The following EPHB2 variants were observed in gnomAD, a reference collection of about 807,000 sequenced individuals.
EPHB2 encodes ephrin type-B receptor 2.
EPHB2 carries 18 observed loss-of-function variants against 96.4 expected under a neutral mutation model. The ratio of observed to expected loss-of-function variants is 0.19; its 90% CI spans 0.13 to 0.28. EPHB2 has a LOEUF of 0.28. EPHB2 is among the 10% of genes least tolerant of loss of function. The probability of loss-of-function intolerance (pLI) is 1.00; values close to 1 mark genes in which losing one functional copy is unlikely to be tolerated. For synonymous variants in EPHB2, 506 were observed against 534.1 expected (o/e 0.95, Z 0.72); for missense variants, 989 against 1,355.4 (o/e 0.73, Z 4.25).
At chr1:22,817,868 A>AAGGGC (rs1482302636) in intron 3 of EPHB2, among the ~76,000 whole-genome samples, 2 of 152,016 alleles carry the variant, frequency 1.3e-5, no homozygotes, top group South Asian at 2.1e-4. Flanking sequence ...GGCCTTCCTA[A>AAGGGC]AGGGCGGGAC....
At chr1:22,747,967 G>A (rs77343028) in intron 1 of EPHB2, among the ~76,000 whole-genome samples, 9,473 of 152,220 alleles carry the variant, frequency 0.062, 846 homozygotes, top group African/African-American at 0.19. Flanking sequence ...AGCCAGTAAA[G>A]AACCACATTT....
chr1:22,741,694 AAAC>A (rs1643906313), intron 1 of EPHB2, among the ~76,000 whole-genome samples: 2 of 149,448 alleles, frequency 1.3e-5, no homozygotes, highest in South Asian at 4.4e-4. Context: ...AAAAACAAAA[AAAC>A]AAAAAACCTC....
At chr1:22,741,931 C>T (rs573998222) in intron 1 of EPHB2, among the ~76,000 whole-genome samples, 1 of 152,210 alleles carries the variant, frequency 6.6e-6, no homozygotes, top group Admixed American at 6.5e-5. Context: ...GGGACTTGAA[C>T]TAGTTCTGTG....
intron 3 of EPHB2, among the ~76,000 whole-genome samples, chr1:22,859,594 T>C (rs895871872): frequency 1.3e-5 from 2 of 152,008 alleles, no homozygotes; most frequent in African/African-American, 4.8e-5. Flanking sequence ...CAGGAGTTCG[T>C]GACCAGCCTG....
At chr1:22,824,817 A>T (rs959784157) in intron 3 of EPHB2, among the ~76,000 whole-genome samples, 4 of 152,212 alleles carry the variant, frequency 2.6e-5, no homozygotes, top group Admixed American at 6.5e-5. Flanking sequence ...CCAGCCTGGG[A>T]TGGCAGCCCC....
At chr1:22,764,260 T>G (rs1318411996) in intron 1 of EPHB2, among the ~76,000 whole-genome samples, 1 of 152,118 alleles carries the variant, frequency 6.6e-6, no homozygotes. Flanking sequence ...GTGTTATAAT[T>G]TGAGTGATAA....
At position 22,823,236 on chromosome 1, in the gene EPHB2, G is replaced by A. The variant is rs140632371; in HGVS notation, c.811+38160G>A. Among the ~76,000 whole-genome samples the A allele has an allele frequency of 3.3e-5, 5 of 152,278 alleles. No individual in the cohort carries two copies. The East Asian group carries it at 5.8e-4, about 18-fold the overall frequency. Reference sequence around the variant, plus strand: ...ACACGAAACACAACGTGCAAATGGCGGTTAGCTGGCCTATGTAGCTAACCT... The same window carrying A: ...ACACGAAACACAACGTGCAAATGGCAGTTAGCTGGCCTATGTAGCTAACCT... On this transcript the variant is annotated intron_variant, in intron 3 of 15. Transcript: ENST00000374630.
chr1:22,835,095 T>C (rs1220288837), intron 3 of EPHB2, among the ~76,000 whole-genome samples: 1 of 151,570 alleles, frequency 6.6e-6, no homozygotes, highest in Non-Finnish European at 1.5e-5. Context: ...GGGGTACCTA[T>C]TGGCCGGGCA....
chr1:22,786,328 GCT>G (rs1457583461), intron 3 of EPHB2, among the ~76,000 whole-genome samples: 1 of 152,214 alleles, frequency 6.6e-6, no homozygotes, highest in Non-Finnish European at 1.5e-5. Context: ...CAGCCTGTGA[GCT>G]GCAATGGTGG....
chr1:22,781,366 G>T, intron 1 of EPHB2, 55 bp from the exon 2 acceptor site: 25 of 1,464,138 alleles, frequency 1.7e-5, no homozygotes, highest in Non-Finnish European at 2.0e-5. Flanking sequence ...CCAACAGAAA[G>T]ATTGACAGCG....
intron 3 of EPHB2, among the ~76,000 whole-genome samples, chr1:22,825,616 CAG>C (rs1235076279): frequency 1.3e-5 from 2 of 152,200 alleles, no homozygotes; most frequent in African/African-American, 4.8e-5. Flanking sequence ...ATGCGTTGGC[CAG>C]AGTTAGAGAA....
At chr1:22,867,483 A>C (rs1325978164) in intron 5 of EPHB2, among the ~76,000 whole-genome samples, 2 of 152,076 alleles carry the variant, frequency 1.3e-5, no homozygotes, top group Non-Finnish European at 2.9e-5. Context: ...TTTGTGACTG[A>C]CTGCCTATAG....
intron 3 of EPHB2, among the ~76,000 whole-genome samples, chr1:22,800,719 T>G (rs1229957081): frequency 6.6e-6 from 1 of 151,762 alleles, no homozygotes; most frequent in African/African-American, 2.4e-5. Context: ...TGTGTGTGTG[T>G]GTGTGCACGC....
chr1:22,735,374 G>A (rs1398213979), intron 1 of EPHB2, among the ~76,000 whole-genome samples: 3 of 151,874 alleles, frequency 2.0e-5, no homozygotes, highest in Non-Finnish European at 2.9e-5. Context: ...AGGAGGTCAA[G>A]GCTGTAGTGA....
intron 3 of EPHB2, among the ~76,000 whole-genome samples, chr1:22,840,549 T>G (rs916674704): frequency 6.6e-6 from 1 of 152,162 alleles, no homozygotes; most frequent in African/African-American, 2.4e-5. Context: ...TAACCTCCAC[T>G]TCCTGGGCGC....
chr1:22,843,479 G>A (rs989358643), intron 3 of EPHB2, among the ~76,000 whole-genome samples: 6 of 152,028 alleles, frequency 3.9e-5, no homozygotes, highest in Non-Finnish European at 8.8e-5. Flanking sequence ...GTAGTTTTTC[G>A]ATCCTCTCTC....
At chr1:22,902,065 A>G (rs1639769923) in intron 9 of EPHB2, among the ~76,000 whole-genome samples, 1 of 152,158 alleles carries the variant, frequency 6.6e-6, no homozygotes, top group Admixed American at 6.5e-5. Flanking sequence ...GGTTCAGGCA[A>G]TCCTCCTGCC....
intron 1 of EPHB2, among the ~76,000 whole-genome samples, chr1:22,763,010 C>T (rs549449428): frequency 4.6e-5 from 7 of 152,248 alleles, no homozygotes; most frequent in East Asian, 1.9e-4. Context: ...CAAGGGGGCA[C>T]GATTCCTACC....
At chr1:22,877,073 A>G (rs1379079183) in intron 5 of EPHB2, among the ~76,000 whole-genome samples, 1 of 152,192 alleles carries the variant, frequency 6.6e-6, no homozygotes, top group Non-Finnish European at 1.5e-5. Context: ...CTGCAGCAGC[A>G]GGAAGGGAGC....
Sources: gnomAD v4.1 joint callset for allele counts (sites outside exome capture counted in the v4.1 genomes callset) on GRCh38, gnomAD v4.1.1 for gene constraint, MANE v1.5 for transcripts, NCBI Gene and HGNC (gene_info 2026-07-23, HGNC 2026-07-21) for gene names.